The following NPHP3 variants were observed in gnomAD, a reference collection of about 807,000 sequenced individuals.
NPHP3 encodes nephrocystin-3.
In NPHP3, 123 loss-of-function variants were observed where a neutral mutation model predicts 171.9. The observed-to-expected ratio is 0.72, with a 90% CI of 0.62 to 0.83. The LOEUF is 0.83. Ranked by LOEUF, NPHP3 falls within the 40% of genes least tolerant of loss-of-function variation. The pLI, the probability that NPHP3 is intolerant of heterozygous loss-of-function variation, is 0.00. For synonymous variants in NPHP3, 558 were observed against 579.2 expected (o/e 0.96, Z 0.52); for missense variants, 1,506 against 1,591.9 (o/e 0.95, Z 0.92).
Position 132,716,809 on chromosome 3 carries a change from C to T in NPHP3, c.771G>A (p.Glu257=). 1 of 1,614,206 alleles carries T rather than the reference C, an allele frequency of 6.2e-7. No homozygotes were observed. Among genetic ancestry groups the T allele is most frequent in the Non-Finnish European group, 8.5e-7 (1 of 1,180,026 alleles). ...CCACATCTATAGAACTATGGGCAAACTCAGGGCCTCTGAAGGACTGCTGAA... is the reference window on the plus strand; with the variant it reads ...CCACATCTATAGAACTATGGGCAAATTCAGGGCCTCTGAAGGACTGCTGAA... ...IQLQQSFRGP[E]FAHSSIDVEG... Residue 257 remains glutamate, a synonymous_variant, in exon 4 of 27, where the codon GAG becomes GAA. Coordinates refer to ENST00000337331, the MANE Select transcript of NPHP3 (RefSeq NM_153240.5).
In NPHP3 at chr3:132,691,548, A is replaced by G. The variant is rs115958195; in HGVS notation, c.2476-262T>C. 7.8e-3 allele frequency among the ~76,000 whole-genome samples: 1,187 copies of G among 152,302 alleles called. 18 individuals carry two copies. Among genetic ancestry groups the G allele is most frequent in the African/African-American group, 0.027 (1,117 of 41,560 alleles). Reference sequence around the variant, plus strand: ...ACATTAAAAATCTCAGAAGTGTGGAATGAAAAGTTACTAAAAAGAATAAAT... The same window carrying G: ...ACATTAAAAATCTCAGAAGTGTGGAGTGAAAAGTTACTAAAAAGAATAAAT... On this transcript the variant is annotated intron_variant, in intron 17 of 26. Coordinates refer to ENST00000337331, the MANE Select transcript of NPHP3 (RefSeq NM_153240.5).
intron 14 of NPHP3, 36 bp from the exon 15 acceptor site, chr3:132,696,849 A>C: frequency 6.5e-7 from 1 of 1,537,974 alleles, no homozygotes; most frequent in Non-Finnish European, 9.0e-7. Flanking sequence ...AAACAGAAAT[A>C]CAAAAACCAC....
At chr3:132,720,790 CTT>C (rs942075158) in intron 1 of NPHP3, among the ~76,000 whole-genome samples, 1 of 152,018 alleles carries the variant, frequency 6.6e-6, no homozygotes, top group African/African-American at 2.4e-5. Flanking sequence ...TCCGGGAACT[CTT>C]AGGCTGCCTA....
intron 9 of NPHP3, among the ~76,000 whole-genome samples, chr3:132,701,838 C>T (rs1459475246): frequency 2.6e-5 from 4 of 152,068 alleles, no homozygotes; most frequent in East Asian, 1.9e-4. Flanking sequence ...CTGGCTAACA[C>T]GGTGAAATCC....
At position 132,692,959 on chromosome 3, in the gene NPHP3, G is replaced by A. The variant is rs747652498; in HGVS notation, c.2311-141C>T. On this transcript the variant is annotated intron_variant, in intron 16 of 26. Transcript: ENST00000337331. Reference sequence around the variant, plus strand: ...AAATGATTTAATAAATCAAGAAACAGATTTATTAAAACACACTGTCCAAAA... The same window carrying A: ...AAATGATTTAATAAATCAAGAAACAAATTTATTAAAACACACTGTCCAAAA... The A allele has an allele frequency of 1.1e-5, 8 of 718,332 alleles. No individual in the cohort carries two copies. The African/African-American group carries it at 1.2e-4, about 11-fold the overall frequency. The allele number at this position is 718,332 out of a possible 1,614,324, so 44.5% of individuals were successfully genotyped here.
At chr3:132,685,377 A>C (rs1939129113) in intron 23 of NPHP3, 1 of 152,652 alleles carries the variant, frequency 6.6e-6, no homozygotes, top group Non-Finnish European at 1.5e-5. Flanking sequence ...CAGCCTCCTA[A>C]AGCTCTGGGA....
chr3:132,687,044 C>A, intron 22 of NPHP3, 107 bp downstream of exon 22: 1 of 633,486 alleles, frequency 1.6e-6, no homozygotes, highest in Non-Finnish European at 2.8e-6. Flanking sequence ...TTCTAAAAAA[C>A]TAGAAGATTT....
rs1940156340 is a variant in NPHP3 at position 132,719,787 on chromosome 3, CT to C, written c.436del (p.Ser146ValfsTer3). 6.3e-7 allele frequency: 1 copy of C among 1,599,826 alleles called. No individual in the cohort carries two copies. The highest frequency in any genetic ancestry group is 8.5e-7 in the Non-Finnish European group (1 of 1,171,092). ...TGCTTGGTATTTCGCTTCTAAAGCA[CT>C]TTCTTTTTCTCGAAGTATCTTCTGA... The part of the protein sequence containing the change: ...TYQKILREKE[S>X]ALEAKYQAME... On this transcript the variant is annotated frameshift_variant, in exon 2 of 27. Transcript: ENST00000337331. LOFTEE classifies it high-confidence loss of function.
Position 132,680,790 on chromosome 3 carries a change from A to G in NPHP3, c.*1120T>C, listed in dbSNP as rs1939005038. Reference sequence around the variant, plus strand: ...CAATATTTATAAAATCCATAAAAATATTTAATTTTCAGTATGAAAATGGCA... The same window carrying G: ...CAATATTTATAAAATCCATAAAAATGTTTAATTTTCAGTATGAAAATGGCA... On this transcript the variant is annotated 3_prime_UTR_variant, in exon 27 of 27. Transcript: ENST00000337331. 1.3e-5 allele frequency: 2 copies of G among 152,220 alleles called. No homozygotes were observed. The highest frequency in any genetic ancestry group is 2.1e-4 in the South Asian group (1 of 4,834). 9.4% of individuals were successfully genotyped at this position (152,220 alleles called of 1,614,324 possible).
chr3:132,700,363 A>C lies in NPHP3; in HGVS notation c.1714T>G (p.Ser572Ala), dbSNP rs781274734. 93 of 1,610,786 alleles carry C rather than the reference A, an allele frequency of 5.8e-5. No homozygotes were observed. The highest frequency in any genetic ancestry group is 7.7e-5 in the Non-Finnish European group (91 of 1,177,064). ...GRPMSTSSESSLIIKRLTLKL... is the reference protein window; with the variant it reads ...GRPMSTSSESALIIKRLTLKL... ...AGAGTTAGTCGTTTAATAATCAAGG[A>C]GGACTCTGAGCTGGTTGACATGGGC... The change falls in exon 11 of 27, where the codon TCC becomes GCC. Residue 572 changes from serine to alanine, a missense_variant. Coordinates refer to ENST00000337331, the MANE Select transcript of NPHP3 (RefSeq NM_153240.5).
chr3:132,716,855 G>A lies in NPHP3; in HGVS notation c.725C>T (p.Ser242Phe). 1 of 1,614,192 alleles carries A rather than the reference G, an allele frequency of 6.2e-7. No individual in the cohort carries two copies. The highest frequency in any genetic ancestry group is 1.1e-5 in the South Asian group (1 of 91,086). ...CTGAAGCTGGATCATGCTTCCTATG[G>A]AAGGTTCACTTCCCAAGGCTCCGCC... ...WTGGALGSEP[S>F]IGSMIQLQQS... Residue 242 changes from serine (S) to phenylalanine (F), a missense_variant, in exon 4 of 27, where the codon TCC (serine) becomes TTC (phenylalanine). Physicochemically the swap from Ser to Phe is radical, Grantham distance 155 (BLOSUM62 -2). Around this residue, in one of 3 missense-constraint regions of NPHP3, gnomAD observed 930 missense variants for 924.9 expected, o/e 1.01. Transcript: ENST00000337331.
chr3:132,693,277 G>A (rs964666158), intron 16 of NPHP3: 2 of 176,888 alleles, frequency 1.1e-5, no homozygotes, highest in Non-Finnish European at 2.4e-5. Flanking sequence ...TGGAACTGCT[G>A]GCTATGGGGG....
chr3:132,684,826 A>G, intron 23 of NPHP3, 32 bp from the exon 24 acceptor site: 1 of 1,608,592 alleles, frequency 6.2e-7, no homozygotes, highest in Non-Finnish European at 8.5e-7. Flanking sequence ...GGCTTAAACT[A>G]TCTATTTTCT....
In NPHP3 at chr3:132,691,174, C is replaced by T. The variant is rs1176462033; in HGVS notation, c.2570+18G>A. 28 of 1,574,628 alleles carry T rather than the reference C, an allele frequency of 1.8e-5. No homozygotes were observed. The highest frequency in any genetic ancestry group is 2.4e-5 in the Non-Finnish European group (27 of 1,144,394). On this transcript the variant is annotated intron_variant, in intron 18 of 26. Coordinates refer to ENST00000337331, the MANE Select transcript of NPHP3 (RefSeq NM_153240.5). ...TGTTGCAGAAGTTACAGAAGAACAACAGGAACATTTACAATACCTTAGCTG... is the reference window on the plus strand; with the variant it reads ...TGTTGCAGAAGTTACAGAAGAACAATAGGAACATTTACAATACCTTAGCTG...
At chr3:132,708,382 C>T in intron 6 of NPHP3, 125 bp from the exon 7 acceptor site, 2 of 887,770 alleles carry the variant, frequency 2.3e-6, no homozygotes, top group Admixed American at 1.9e-5. Context: ...GGTCCAACTG[C>T]ACAACAAGTG....
rs188434289 is a variant in NPHP3 at position 132,692,229 on chromosome 3, G to A, written c.2475+425C>T. Among the ~76,000 whole-genome samples, 22 of 152,238 alleles carry A rather than the reference G, an allele frequency of 1.4e-4. No homozygotes were observed. The East Asian group carries it at 1.9e-3, about 13-fold the overall frequency. Reference sequence around the variant, plus strand: ...GTACCATCTAGATTTGTGTAAGTACGCTCTACAATGCTCACACAATGATAC... The same window carrying A: ...GTACCATCTAGATTTGTGTAAGTACACTCTACAATGCTCACACAATGATAC... On this transcript the variant is annotated intron_variant, in intron 17 of 26. Coordinates refer to ENST00000337331, the MANE Select transcript of NPHP3 (RefSeq NM_153240.5).
intron 21 of NPHP3, among the ~76,000 whole-genome samples, chr3:132,687,626 TTAAC>T (rs1939194678): frequency 1.3e-5 from 2 of 152,220 alleles, no homozygotes; most frequent in South Asian, 2.1e-4. Context: ...TAATTTTTAA[TTAAC>T]AACTTTTTCT....
At chr3:132,715,014 G>T in intron 5 of NPHP3, 71 bp downstream of exon 5, 1 of 1,264,684 alleles carries the variant, frequency 7.9e-7, no homozygotes, top group Non-Finnish European at 1.1e-6. Flanking sequence ...AGATACAGTA[G>T]TATCAGAAAC....
intron 6 of NPHP3, chr3:132,712,470 G>C (rs1425539088): frequency 4.4e-6 from 2 of 456,872 alleles, no homozygotes; most frequent in Non-Finnish European, 8.8e-6. Context: ...GGCAGCTGTA[G>C]AAAATACACG....
Sources: gnomAD v4.1 joint callset for allele counts (sites outside exome capture counted in the v4.1 genomes callset) on GRCh38, gnomAD v4.1.1 for gene constraint, gnomAD v4.1.1 regional missense constraint, MANE v1.5 for transcripts, NCBI Gene and HGNC (gene_info 2026-07-23, HGNC 2026-07-21) for gene names.